Variants in GRTP1 observed in about 807,000 individuals in gnomAD.
GRTP1 encodes the protein growth hormone regulated TBC protein 1.
Under a neutral mutation model 38.1 loss-of-function variants are expected in GRTP1, and 56 were observed. The observed-to-expected ratio is 1.47, with a 90% CI of 1.19 to 1.84. The LOEUF (loss-of-function observed/expected upper bound fraction) is 1.84. Among genes scored for constraint, GRTP1 ranks in the 40% most tolerant of loss-of-function variants. GRTP1 has a pLI of 0.00. For synonymous variants in GRTP1, 217 were observed against 189.5 expected (o/e 1.14, Z -1.19); for missense variants, 506 against 453.9 (o/e 1.11, Z -1.04).
At position 113,325,834 on chromosome 13, in the gene GRTP1, T is replaced by G; in HGVS notation, c.748A>C (p.Ile250Leu). Residue 250 changes from isoleucine (I) to leucine (L), a missense_variant, in exon 7 of 8, where the codon ATC (isoleucine) becomes CTC (leucine). Ile to Leu is a conservative substitution (Grantham distance 5). Transcript: ENST00000375431. ...CCTTCGTTAAACAAACAGTCCCAGA[T>G]CCGAAGCACTGTCTGCAGAGACATG... ...DILPVETVLR[I>L]WDCLFNEGSK... 1 of 1,613,638 alleles carries G rather than the reference T, an allele frequency of 6.2e-7. No homozygotes were observed. The highest frequency in any genetic ancestry group is 1.1e-5 in the South Asian group (1 of 91,058).
intron 5 of GRTP1, among the ~76,000 whole-genome samples, chr13:113,341,158 C>T (rs1249903387): frequency 2.6e-5 from 4 of 151,584 alleles, no homozygotes; most frequent in East Asian, 1.9e-4. Flanking sequence ...GCACCAATCA[C>T]GACTGCACCA....
At position 113,346,569 on chromosome 13, in the gene GRTP1, C is replaced by T. The variant is rs202222381; in HGVS notation, c.466-1610G>A. ...GTGGCAAAGAGCAGACCCAGGAGGA[C>T]CTCTGTGGCCGAGAACAGACCCGGG... is the stretch of plus-strand genomic sequence containing the variant. On this transcript the variant is annotated intron_variant, in intron 4 of 7. Transcript: ENST00000375431. Among the ~76,000 whole-genome samples, 16 of 15,532 alleles carry T rather than the reference C, an allele frequency of 1.0e-3. 3 individuals carry two copies. The highest frequency in any genetic ancestry group is 2.9e-3 in the Non-Finnish European group (1 of 346). The allele number at this position is 15,532 out of a possible 152,430, so 10.2% of individuals were successfully genotyped here.
intron 5 of GRTP1, among the ~76,000 whole-genome samples, chr13:113,334,127 G>A (rs1037533512): frequency 6.6e-6 from 1 of 152,184 alleles, no homozygotes; most frequent in Non-Finnish European, 1.5e-5. Context: ...GAGCCGCCGC[G>A]CCTGGCCCAT....
chr13:113,328,481 C>T (rs759410026), intron 5 of GRTP1, among the ~76,000 whole-genome samples: 1 of 152,192 alleles, frequency 6.6e-6, no homozygotes, highest in Non-Finnish European at 1.5e-5. Flanking sequence ...AGTTCTCCAC[C>T]CTGGTGCTTT....
intron 3 of GRTP1, among the ~76,000 whole-genome samples, chr13:113,352,324 T>TATATATATA (rs1452220409): frequency 4.4e-4 from 6 of 13,698 alleles, no homozygotes; most frequent in African/African-American, 1.4e-3. Flanking sequence ...TTATATATAT[T>TATATATATA]TTTATATATA....
chr13:113,355,246 G>T, intron 3 of GRTP1, 77 bp downstream of exon 3: 1 of 1,496,790 alleles, frequency 6.7e-7, no homozygotes, highest in Non-Finnish European at 9.1e-7. Context: ...CCTGGACGCT[G>T]AGGCTAGACA....
chr13:113,347,929 G>A (rs1197726659), intron 4 of GRTP1, among the ~76,000 whole-genome samples: 8 of 149,204 alleles, frequency 5.4e-5, no homozygotes, highest in South Asian at 4.3e-4. Context: ...AACGGACCTG[G>A]GAGGACCTCT....
intron 4 of GRTP1, among the ~76,000 whole-genome samples, chr13:113,347,391 C>T (rs1368849826): frequency 2.3e-5 from 2 of 87,808 alleles, no homozygotes; most frequent in African/African-American, 9.9e-5. Flanking sequence ...CGAGAGCAGA[C>T]CCGGGAGGAC....
chr13:113,358,882 C>G (rs1470032408), intron 2 of GRTP1, among the ~76,000 whole-genome samples: 1 of 152,228 alleles, frequency 6.6e-6, no homozygotes, highest in Non-Finnish European at 1.5e-5. Flanking sequence ...GTTAAACATG[C>G]ACTTGTCACA....
intron 2 of GRTP1, among the ~76,000 whole-genome samples, chr13:113,362,408 G>A (rs2043514958): frequency 6.6e-6 from 1 of 152,218 alleles, no homozygotes; most frequent in Admixed American, 6.5e-5. Context: ...TGAACATGCA[G>A]AGGCCACAGG....
intron 2 of GRTP1, among the ~76,000 whole-genome samples, chr13:113,362,901 G>T (rs2043523765): frequency 6.6e-6 from 1 of 152,164 alleles, no homozygotes; most frequent in South Asian, 2.1e-4. Context: ...CTCCCACCAA[G>T]CCCTCACCCC....
At chr13:113,331,514 C>T (rs183903585) in intron 5 of GRTP1, among the ~76,000 whole-genome samples, 1 of 152,288 alleles carries the variant, frequency 6.6e-6, no homozygotes, top group Non-Finnish European at 1.5e-5. Flanking sequence ...CCCCCACTGC[C>T]CGAGCCAGCC....
At chr13:113,350,079 C>T (rs1032671935) in intron 4 of GRTP1, among the ~76,000 whole-genome samples, 3 of 152,124 alleles carry the variant, frequency 2.0e-5, no homozygotes, top group African/African-American at 7.2e-5. Context: ...CCTGGAAACC[C>T]TCGTGGAGGC....
intron 5 of GRTP1, among the ~76,000 whole-genome samples, chr13:113,326,309 C>G (rs2042768324): frequency 1.5e-5 from 2 of 137,206 alleles, no homozygotes; most frequent in Admixed American, 1.8e-4. Flanking sequence ...GTCCCTGAGG[C>G]TGGAGGGATA....
At chr13:113,347,364 G>A (rs868652018) in intron 4 of GRTP1, among the ~76,000 whole-genome samples, 4 of 63,490 alleles carry the variant, frequency 6.3e-5, no homozygotes, top group Admixed American at 1.3e-4. Flanking sequence ...GAACAGATCC[G>A]GGAGGACCTC....
At position 113,355,351 on chromosome 13, in the gene GRTP1, G is replaced by T; in HGVS notation, c.312C>A (p.Asn104Lys). Residue 104 changes from asparagine (N) to lysine (K), a missense_variant, in exon 3 of 8, where the codon AAC (asparagine) becomes AAA (lysine). Asn to Lys is a moderately conservative substitution (Grantham distance 94). Coordinates refer to ENST00000375431, the MANE Select transcript of GRTP1 (RefSeq NM_024719.4). ...YYHQLLQGERNPRLEDAIRTD... is the reference protein window; with the variant it reads ...YYHQLLQGERKPRLEDAIRTD... ...TCCTGATGGCGTCCTCCAGCCTGGGGTTTCTCTCTCCCTGGAGAAGCTGGT... is the reference window on the plus strand; with the variant it reads ...TCCTGATGGCGTCCTCCAGCCTGGGTTTTCTCTCTCCCTGGAGAAGCTGGT... 1 of 1,614,086 alleles carries T rather than the reference G, an allele frequency of 6.2e-7. No homozygotes were observed. Among genetic ancestry groups the T allele is most frequent in the South Asian group, 1.1e-5 (1 of 91,080 alleles).
chr13:113,325,172 C>T (rs1193675507), intron 7 of GRTP1: 15 of 1,052,264 alleles, frequency 1.4e-5, no homozygotes, highest in South Asian at 8.0e-5. Context: ...GCTGAAATAC[C>T]GCCCACGTTT....
At chr13:113,336,303 T>TTTTTTG (rs148436968) in intron 5 of GRTP1, among the ~76,000 whole-genome samples, 58 of 133,050 alleles carry the variant, frequency 4.4e-4, no homozygotes, top group Admixed American at 2.1e-3. Flanking sequence ...AGGTAGTTTT[T>TTTTTTG]TTTTTTTTTT....
Position 113,346,110 on chromosome 13 carries a change from A to G in GRTP1, c.466-1151T>C, listed in dbSNP as rs61966594. On this transcript the variant is annotated intron_variant, in intron 4 of 7. Coordinates refer to ENST00000375431, the MANE Select transcript of GRTP1 (RefSeq NM_024719.4). ...TGGGAAGACATCTGTGGCCGAGAACAGACCCGGGAGGACCTCTGTGGACAA... is the reference window on the plus strand; with the variant it reads ...TGGGAAGACATCTGTGGCCGAGAACGGACCCGGGAGGACCTCTGTGGACAA... 2.6e-4 allele frequency among the ~76,000 whole-genome samples: 21 copies of G among 79,784 alleles called. 1 individual carries two copies. The highest frequency in any genetic ancestry group is 1.1e-3 in the Admixed American group (8 of 7,282). 52.3% of individuals were successfully genotyped at this position (79,784 alleles called of 152,430 possible). A position where few individuals can be genotyped will look rare whatever the true frequency, so the allele number is the denominator to read the frequency against.
Sources: gnomAD v4.1 joint callset for allele counts (sites outside exome capture counted in the v4.1 genomes callset) on GRCh38, gnomAD v4.1.1 for gene constraint, MANE v1.5 for transcripts, NCBI Gene and HGNC (gene_info 2026-07-23, HGNC 2026-07-21) for gene names.